The following DNAJC25 variants were observed in gnomAD, a reference collection of about 807,000 sequenced individuals.
DNAJC25 encodes DnaJ heat shock protein family (Hsp40) member C25.
DNAJC25 carries 26 observed loss-of-function variants against 42.1 expected under a neutral mutation model. The observed-to-expected ratio is 0.62, with a 90% CI of 0.45 to 0.86. The LOEUF (loss-of-function observed/expected upper bound fraction) is 0.86, where lower values mean the gene tolerates loss of function less well. DNAJC25 is among the 40% of genes least tolerant of loss of function. The pLI, the probability that DNAJC25 is intolerant of heterozygous loss-of-function variation, is 0.00. For missense variants in DNAJC25, 404 were observed against 459.4 expected (o/e 0.88, Z 1.10); for synonymous variants, 189 against 179.9 (o/e 1.05, Z -0.40).
intron 1 of DNAJC25, among the ~76,000 whole-genome samples, chr9:111,645,408 C>T (rs1343617227): frequency 6.6e-6 from 1 of 152,088 alleles, no homozygotes. Context: ...GCACAAGCCA[C>T]CACGACTGGC....
At chr9:111,647,072 T>C in intron 1 of DNAJC25, 35 bp from the exon 2 acceptor site, 1 of 1,581,522 alleles carries the variant, frequency 6.3e-7, no homozygotes. Flanking sequence ...TTTAATGGAC[T>C]GTCCTATGAA....
rs1187571809 is a variant in DNAJC25, at chr9:111,631,533, G to T, written c.126G>T (p.Gly42=). 1 of 1,365,580 alleles carries T rather than the reference G, an allele frequency of 7.3e-7. No homozygotes were observed. Among genetic ancestry groups the T allele is most frequent in the Non-Finnish European group, 9.4e-7 (1 of 1,066,762 alleles). 84.6% of individuals were successfully genotyped at this position (1,365,580 alleles called of 1,614,324 possible). Residue 42 remains glycine (G), a synonymous_variant, in exon 1 of 4, where the codon GGG becomes GGT. Transcript: ENST00000313525. ...GGCCCGCGGGGGCCCTGGTGGAGGG[G>T]CTCTACTGCGGCACGCGGGACTGCT... ...LVRPAGALVE[G]LYCGTRDCYE...
intron 2 of DNAJC25, among the ~76,000 whole-genome samples, chr9:111,648,500 G>C (rs141473024): frequency 6.6e-6 from 1 of 151,878 alleles, no homozygotes; most frequent in Non-Finnish European, 1.5e-5. Flanking sequence ...GAGCTCCTGG[G>C]CTCAAGCAAT....
chr9:111,631,795 CG>C (rs1335101301), intron 1 of DNAJC25, 52 bp downstream of exon 1: 3 of 1,461,186 alleles, frequency 2.1e-6, no homozygotes, highest in Non-Finnish European at 2.7e-6. Context: ...GGGAAGCCCA[CG>C]GCGCCTTCCG....
At chr9:111,634,608 A>C (rs10980990) in intron 1 of DNAJC25, among the ~76,000 whole-genome samples, 33,920 of 152,074 alleles carry the variant, frequency 0.22, 4,452 homozygotes, top group East Asian at 0.44. Context: ...AGAAGCCTGT[A>C]TCTGAATGTT....
chr9:111,651,544 C>T (rs909849367), intron 3 of DNAJC25, among the ~76,000 whole-genome samples: 1 of 152,004 alleles, frequency 6.6e-6, no homozygotes, highest in Non-Finnish European at 1.5e-5. Context: ...GGCTGTGAAA[C>T]TGGCTAAGAC....
At chr9:111,642,850 G>A (rs1830503959) in intron 1 of DNAJC25, 1 of 471,040 alleles carries the variant, frequency 2.1e-6, no homozygotes, top group East Asian at 7.0e-5. Context: ...TATTGGTTAT[G>A]TTCCAGTCCT....
intron 1 of DNAJC25, among the ~76,000 whole-genome samples, chr9:111,642,353 A>G (rs867198596): frequency 0.025 from 1,776 of 70,736 alleles, no homozygotes; most frequent in East Asian, 0.038. Flanking sequence ...GTCCACTCAG[A>G]GTTAAATGGA....
chr9:111,652,703 A>G (rs551911369), intron 3 of DNAJC25, among the ~76,000 whole-genome samples: 272 of 151,460 alleles, frequency 1.8e-3, no homozygotes, highest in African/African-American at 6.3e-3. Context: ...CACCACGCCC[A>G]GCTAATTTTT....
chr9:111,641,243 C>A (rs1278609630), intron 1 of DNAJC25, among the ~76,000 whole-genome samples: 4 of 113,306 alleles, frequency 3.5e-5, no homozygotes, highest in East Asian at 2.9e-4. Context: ...TCAGCCCTCC[C>A]CCCGGCCAGC....
At chr9:111,638,682 C>T (rs2131258345) in intron 1 of DNAJC25, among the ~76,000 whole-genome samples, 1 of 152,026 alleles carries the variant, frequency 6.6e-6, no homozygotes, top group South Asian at 2.1e-4. Flanking sequence ...TCTTGTGTAC[C>T]CCTTTACTTA....
intron 1 of DNAJC25, among the ~76,000 whole-genome samples, chr9:111,641,185 C>A (rs1830454671): frequency 8.5e-6 from 1 of 117,426 alleles, no homozygotes; most frequent in African/African-American, 3.5e-5. Flanking sequence ...GTGGGGGGGT[C>A]AGCCCCCCGC....
At position 111,631,725 on chromosome 9, in the gene DNAJC25, C is replaced by T. The variant is rs1234163108; in HGVS notation, c.318C>T (p.Thr106=). 1.3e-6 allele frequency: 2 copies of T among 1,520,182 alleles called. No homozygotes were observed. The highest frequency in any genetic ancestry group is 1.8e-6 in the Non-Finnish European group (2 of 1,140,044). 94.2% of individuals were successfully genotyped at this position (1,520,182 alleles called of 1,614,324 possible). Residue 106 remains threonine, a synonymous_variant, in exon 1 of 4, where the codon ACC becomes ACT. Coordinates refer to ENST00000313525, the MANE Select transcript of DNAJC25 (RefSeq NM_001015882.3). ...AGGAGGCTTTCCTGCTGGTGGCAACCGCCTACGAGACACTCAAGGTGAGGC... is the reference window on the plus strand; with the variant it reads ...AGGAGGCTTTCCTGCTGGTGGCAACTGCCTACGAGACACTCAAGGTGAGGC... ...SAEEAFLLVA[T]AYETLKDEET...
Position 111,654,174 on chromosome 9 carries a change from A to T in DNAJC25, c.*952A>T, listed in dbSNP as rs1029874316. The T allele has an allele frequency of 6.6e-6, 1 of 152,246 alleles. No individual in the cohort carries two copies. Among genetic ancestry groups the T allele is most frequent in the Non-Finnish European group, 1.5e-5 (1 of 68,042 alleles). The allele number at this position is 152,246 out of a possible 1,614,324, so 9.4% of individuals were successfully genotyped here. A position where few individuals can be genotyped will look rare whatever the true frequency, so the allele number is the denominator to read the frequency against. Reference sequence around the variant, plus strand: ...TACATGGCTGTGTGCTCTTCTGTCAACCAATGAAATGTGTTTTCACATGTG... The same window carrying T: ...TACATGGCTGTGTGCTCTTCTGTCATCCAATGAAATGTGTTTTCACATGTG... On this transcript the variant is annotated 3_prime_UTR_variant, in exon 4 of 4. Transcript: ENST00000313525.
At chr9:111,632,720 T>TAA (rs1830304775) in intron 1 of DNAJC25, among the ~76,000 whole-genome samples, 1 of 151,810 alleles carries the variant, frequency 6.6e-6, no homozygotes, top group Non-Finnish European at 1.5e-5. Flanking sequence ...CAAAATTTTC[T>TAA]ATGTTGCCAG....
At chr9:111,638,724 A>G (rs532598302) in intron 1 of DNAJC25, among the ~76,000 whole-genome samples, 1 of 152,170 alleles carries the variant, frequency 6.6e-6, no homozygotes, top group African/African-American at 2.4e-5. Context: ...AGCTGCTAAA[A>G]TCTGTTTCTC....
chr9:111,646,912 A>T, intron 1 of DNAJC25, 195 bp from the exon 2 acceptor site: 1 of 473,274 alleles, frequency 2.1e-6, no homozygotes, highest in Non-Finnish European at 3.5e-6. Flanking sequence ...TTATGCTTTT[A>T]TATCTAACAT....
In DNAJC25 at chr9:111,631,475, T is replaced by TGGCGCCCCTGCTGCC; in HGVS notation, c.74_88dup (p.Pro25_Ala29dup). 1 of 1,322,144 alleles carries TGGCGCCCCTGCTGCC rather than the reference T, an allele frequency of 7.6e-7. No homozygotes were observed. Among genetic ancestry groups the TGGCGCCCCTGCTGCC allele is most frequent in the Non-Finnish European group, 9.6e-7 (1 of 1,042,566 alleles). The allele number at this position is 1,322,144 out of a possible 1,614,324, so 81.9% of individuals were successfully genotyped here. A position where few individuals can be genotyped will look rare whatever the true frequency, so the allele number is the denominator to read the frequency against. Reference sequence around the variant, plus strand: ...GCCGGCCGGCGCTGGTGGATGCTGCTGGCGCCCCTGCTGCCGGCGCTGCTG... The same window carrying TGGCGCCCCTGCTGCC: ...GCCGGCCGGCGCTGGTGGATGCTGCTGGCGCCCCTGCTGCCGGCGCCCCTGCTGCCGGCGCTGCTG... On this transcript the variant is annotated inframe_insertion, in exon 1 of 4. Transcript: ENST00000313525.
At chr9:111,651,853 A>G (rs1830666236) in intron 3 of DNAJC25, among the ~76,000 whole-genome samples, 1 of 152,086 alleles carries the variant, frequency 6.6e-6, no homozygotes, top group Non-Finnish European at 1.5e-5. Flanking sequence ...TCTCAAAAAA[A>G]AAAAAAAAAA....
Sources: gnomAD v4.1 joint callset for allele counts (sites outside exome capture counted in the v4.1 genomes callset) on GRCh38, gnomAD v4.1.1 for gene constraint, MANE v1.5 for transcripts, NCBI Gene and HGNC (gene_info 2026-07-23, HGNC 2026-07-21) for gene names.